Variants in SMAD1 observed in about 807,000 individuals in gnomAD.
SMAD1 encodes MAD, mothers against decapentaplegic homolog 1.
A neutral mutation model predicts 41.6 loss-of-function variants in SMAD1; 6 were observed. That is an observed-to-expected ratio of 0.14 (90% CI 0.08 to 0.28). The LOEUF is 0.28. Among genes scored for constraint, SMAD1 ranks in the 10% least tolerant of loss-of-function variants. The probability of loss-of-function intolerance (pLI) is 1.00; values close to 1 mark genes in which losing one functional copy is unlikely to be tolerated. For missense variants in SMAD1, 379 were observed against 582.6 expected (o/e 0.65, Z 3.60); for synonymous variants, 206 against 203.2 (o/e 1.01, Z -0.12).
intron 1 of SMAD1, among the ~76,000 whole-genome samples, chr4:145,489,749 A>G (rs147824225): frequency 1.7e-4 from 26 of 152,316 alleles, no homozygotes; most frequent in African/African-American, 6.0e-4. Context: ...GAGGACTTGA[A>G]AGCTTTACGT....
rs144179993 is a variant in SMAD1 at position 145,520,932 on chromosome 4, A to G, written c.400+5919A>G. Among the ~76,000 whole-genome samples, 57 of 152,358 alleles carry G rather than the reference A, an allele frequency of 3.7e-4. 1 individual carries two copies. The East Asian group carries it at 9.6e-3, about 26-fold the overall frequency. On this transcript the variant is annotated intron_variant, in intron 2 of 6. Transcript: ENST00000302085. ...CAACTTGTGTTTATTATAGTTAACAATGACAAATGTGCAAGGAGAAAAACC... is the reference window on the plus strand; with the variant it reads ...CAACTTGTGTTTATTATAGTTAACAGTGACAAATGTGCAAGGAGAAAAACC...
intron 2 of SMAD1, among the ~76,000 whole-genome samples, chr4:145,536,544 C>A (rs777226512): frequency 6.6e-6 from 1 of 152,098 alleles, no homozygotes; most frequent in Non-Finnish European, 1.5e-5. Flanking sequence ...GATTAAGAAT[C>A]CATGAAGCCA....
rs1728276421 is a variant in SMAD1, at chr4:145,482,979, G to A, written c.-177+941G>A. ...AAACTGTATGAAGGCTTTAAAGGGAGAACGTTTTCTTGATGTGCTTTAGGA... is the reference window on the plus strand; with the variant it reads ...AAACTGTATGAAGGCTTTAAAGGGAAAACGTTTTCTTGATGTGCTTTAGGA... On this transcript the variant is annotated intron_variant, in intron 1 of 6. Transcript: ENST00000302085. This position sits in a 1 kb window ranked among gnomAD's most constrained non-coding sequence, Gnocchi z 4.2. The A allele has an allele frequency of 6.6e-6, 1 of 152,196 alleles. No homozygotes were observed. Among genetic ancestry groups the A allele is most frequent in the Admixed American group, 6.5e-5 (1 of 15,284 alleles). The allele number at this position is 152,196 out of a possible 1,614,324, so 9.4% of individuals were successfully genotyped here. A position where few individuals can be genotyped will look rare whatever the true frequency, so the allele number is the denominator to read the frequency against.
chr4:145,549,957 C>T (rs1021154728), intron 5 of SMAD1, among the ~76,000 whole-genome samples: 16 of 152,008 alleles, frequency 1.1e-4, no homozygotes, highest in African/African-American at 3.1e-4. Flanking sequence ...ACATACTTTT[C>T]GTTAAACTCT....
At chr4:145,555,796 C>G (rs1050516243) in intron 6 of SMAD1, among the ~76,000 whole-genome samples, 15 of 152,120 alleles carry the variant, frequency 9.9e-5, no homozygotes, top group African/African-American at 3.6e-4. Flanking sequence ...TGAAAAAGCA[C>G]CTAAAGTCTC....
At chr4:145,533,779 C>A (rs1731455295) in intron 2 of SMAD1, among the ~76,000 whole-genome samples, 1 of 152,148 alleles carries the variant, frequency 6.6e-6, no homozygotes, top group Non-Finnish European at 1.5e-5. Context: ...GTAGTAATTA[C>A]CAGTTAGAAG....
chr4:145,490,305 T>A (rs982825521), intron 1 of SMAD1, among the ~76,000 whole-genome samples: 1 of 152,180 alleles, frequency 6.6e-6, no homozygotes, highest in Non-Finnish European at 1.5e-5. Context: ...GAAGAAAGCA[T>A]GTGGCAGAGC....
At chr4:145,541,794 TG>T (rs1731956583) in intron 3 of SMAD1, among the ~76,000 whole-genome samples, 1 of 152,210 alleles carries the variant, frequency 6.6e-6, no homozygotes, top group Non-Finnish European at 1.5e-5. Flanking sequence ...ATATGCTAGA[TG>T]GGCTCATGAT....
intron 5 of SMAD1, among the ~76,000 whole-genome samples, chr4:145,549,613 A>G (rs1323075227): frequency 6.6e-6 from 1 of 152,178 alleles, no homozygotes; most frequent in African/African-American, 2.4e-5. Context: ...AAACTTTTCT[A>G]CAAATTTGAA....
intron 2 of SMAD1, among the ~76,000 whole-genome samples, chr4:145,534,093 C>T (rs921169585): frequency 2.0e-5 from 3 of 152,190 alleles, no homozygotes; most frequent in African/African-American, 4.8e-5. Flanking sequence ...CATGTGAGTA[C>T]ACCCTGAGGA....
chr4:145,548,644 A>G (rs1485870783), intron 5 of SMAD1, among the ~76,000 whole-genome samples: 1 of 152,230 alleles, frequency 6.6e-6, no homozygotes, highest in East Asian at 1.9e-4. Context: ...ATGTAGAGTC[A>G]GTGCTAAAGT....
At chr4:145,542,284 T>C (rs1269703110) in intron 3 of SMAD1, among the ~76,000 whole-genome samples, 1 of 152,266 alleles carries the variant, frequency 6.6e-6, no homozygotes. Context: ...GTGCTTAAAA[T>C]ACTCTTCTGA....
chr4:145,540,974 A>G (rs1187595486), intron 3 of SMAD1, among the ~76,000 whole-genome samples: 2 of 152,102 alleles, frequency 1.3e-5, no homozygotes, highest in Non-Finnish European at 2.9e-5. Flanking sequence ...TGTATTTATT[A>G]CCTTCTTTTA....
chr4:145,517,084 A>G (rs1156256935), intron 2 of SMAD1: 3 of 152,218 alleles, frequency 2.0e-5, no homozygotes, highest in African/African-American at 7.2e-5. Context: ...CATTGTCTAC[A>G]GAAAGGGATC....
At chr4:145,551,436 A>G (rs1290683282) in intron 5 of SMAD1, among the ~76,000 whole-genome samples, 3 of 152,236 alleles carry the variant, frequency 2.0e-5, no homozygotes, top group Non-Finnish European at 4.4e-5. Flanking sequence ...AAAAGCAACA[A>G]AAGACCATAA....
chr4:145,531,984 T>C (rs751440402), intron 2 of SMAD1, among the ~76,000 whole-genome samples: 16 of 152,338 alleles, frequency 1.1e-4, no homozygotes, highest in Non-Finnish European at 1.6e-4. Context: ...ACTTTACCAC[T>C]GACAACTTGG....
chr4:145,519,664 A>G (rs76322565), intron 2 of SMAD1, among the ~76,000 whole-genome samples: 23 of 148,440 alleles, frequency 1.5e-4, no homozygotes, highest in African/African-American at 9.9e-5. Flanking sequence ...AAAAAAAAAA[A>G]AACCCACTTT....
intron 1 of SMAD1, among the ~76,000 whole-genome samples, chr4:145,486,858 C>T (rs1437143680): frequency 6.6e-6 from 1 of 152,146 alleles, no homozygotes; most frequent in Non-Finnish European, 1.5e-5. Flanking sequence ...AAGATCTGGA[C>T]TCCTCTTGGC....
intron 1 of SMAD1, among the ~76,000 whole-genome samples, chr4:145,490,039 A>ATC (rs1728692611): frequency 6.6e-6 from 1 of 151,636 alleles, no homozygotes; most frequent in Non-Finnish European, 1.5e-5. Context: ...AAGGAGAAGA[A>ATC]GTCAGATAAT....
Sources: allele counts gnomAD v4.1 joint callset (sites outside exome capture counted in the v4.1 genomes callset), GRCh38; gene constraint gnomAD v4.1.1; non-coding constraint Gnocchi (gnomAD v3.1); transcripts MANE v1.5; gene names NCBI Gene and HGNC (gene_info 2026-07-23, HGNC 2026-07-21).